MACROD2: variants seen among roughly 807,000 people sequenced by gnomAD.
MACROD2 encodes mono-ADP ribosylhydrolase 2.
Under a neutral mutation model 70.4 loss-of-function variants are expected in MACROD2, and 36 were observed. The ratio of observed to expected loss-of-function variants is 0.51; its 90% CI spans 0.39 to 0.68. The LOEUF is 0.68. MACROD2 is among the 30% of genes least tolerant of loss of function. The pLI, the probability that MACROD2 is intolerant of heterozygous loss-of-function variation, is 0.00. For missense variants in MACROD2, 496 were observed against 538.4 expected, an observed-to-expected ratio of 0.92 and a Z score of 0.78; for synonymous variants, 172 against 178.8, an observed-to-expected ratio of 0.96 and a Z score of 0.30.
intron 6 of MACROD2, 90 bp from the exon 7 acceptor site, chr20:15,431,315 C>T: frequency 8.5e-7 from 1 of 1,182,006 alleles, no homozygotes; most frequent in East Asian, 2.4e-5. Context: ...GAGGGCATCC[C>T]ATTATCAAAC....
At chr20:15,495,316 T>C (rs1008717129) in intron 7 of MACROD2, among the ~76,000 whole-genome samples, 7 of 152,248 alleles carry the variant, frequency 4.6e-5, no homozygotes, top group African/African-American at 1.4e-4. Context: ...CTGAACATCA[T>C]GCTTTACCTT....
intron 5 of MACROD2, among the ~76,000 whole-genome samples, chr20:15,169,463 G>T (rs1175384605): frequency 2.0e-5 from 3 of 152,114 alleles, no homozygotes; most frequent in African/African-American, 7.2e-5. Flanking sequence ...CACGTTCTTG[G>T]CTAAGGGGCC....
intron 5 of MACROD2, among the ~76,000 whole-genome samples, chr20:14,888,967 T>C (rs1200763268): frequency 2.0e-5 from 3 of 152,120 alleles, no homozygotes; most frequent in African/African-American, 7.2e-5. Context: ...TTTACCTACT[T>C]AATCTTAAAC....
At chr20:15,813,004 C>A (rs565789902) in intron 8 of MACROD2, among the ~76,000 whole-genome samples, 3 of 152,276 alleles carry the variant, frequency 2.0e-5, no homozygotes, top group Admixed American at 6.5e-5. Flanking sequence ...CCAGAAATAT[C>A]TCAAAGACTT....
chr20:15,137,490 A>T (rs969023721), intron 5 of MACROD2, among the ~76,000 whole-genome samples: 1 of 144,036 alleles, frequency 6.9e-6, no homozygotes, highest in Non-Finnish European at 1.5e-5. Context: ...GTTCTCACTC[A>T]TAGGTGGGAA....
At chr20:14,346,530 T>G (rs1009200277) in intron 3 of MACROD2, among the ~76,000 whole-genome samples, 3 of 152,254 alleles carry the variant, frequency 2.0e-5, no homozygotes, top group Admixed American at 6.5e-5. Flanking sequence ...TTTATGTGTA[T>G]TCTAACAAAA....
At chr20:15,503,020 A>C (rs1041067001) in intron 8 of MACROD2, among the ~76,000 whole-genome samples, 1 of 152,246 alleles carries the variant, frequency 6.6e-6, no homozygotes, top group African/African-American at 2.4e-5. Flanking sequence ...AAAGGCACCC[A>C]GGGACTAAGT....
At chr20:15,991,750 C>A (rs1474721212) in intron 15 of MACROD2, among the ~76,000 whole-genome samples, 1 of 152,082 alleles carries the variant, frequency 6.6e-6, no homozygotes, top group Non-Finnish European at 1.5e-5. Flanking sequence ...TTTTCTAGGG[C>A]AGTTTTACCA....
At chr20:15,462,725 A>G (rs2046835458) in intron 7 of MACROD2, among the ~76,000 whole-genome samples, 1 of 152,220 alleles carries the variant, frequency 6.6e-6, no homozygotes, top group Non-Finnish European at 1.5e-5. Context: ...TACTGAATGA[A>G]TAAACTTCCC....
chr20:14,550,141 T>C (rs192324461), intron 4 of MACROD2, among the ~76,000 whole-genome samples: 146 of 152,250 alleles, frequency 9.6e-4, no homozygotes, highest in Non-Finnish European at 1.6e-3. Context: ...CAGTCTGGTC[T>C]GGAACTCCTG....
chr20:14,380,514 T>C (rs1449206133), intron 3 of MACROD2, among the ~76,000 whole-genome samples: 9 of 152,152 alleles, frequency 5.9e-5, no homozygotes, highest in African/African-American at 2.2e-4. Flanking sequence ...TTTGCCCTTA[T>C]GTTTTCTTCT....
intron 3 of MACROD2, among the ~76,000 whole-genome samples, chr20:14,467,126 C>A (rs2084462053): frequency 6.6e-6 from 1 of 152,268 alleles, no homozygotes; most frequent in South Asian, 2.1e-4. Flanking sequence ...TGCCCTGCCC[C>A]CCAGAGGTGG....
chr20:15,854,675 C>T (rs1335694969), intron 8 of MACROD2, among the ~76,000 whole-genome samples: 1 of 152,182 alleles, frequency 6.6e-6, no homozygotes, highest in African/African-American at 2.4e-5. Flanking sequence ...GCAGATTGCT[C>T]TCTTTTGCCT....
intron 3 of MACROD2, among the ~76,000 whole-genome samples, chr20:14,197,832 G>T (rs1385261948): frequency 2.0e-5 from 3 of 152,080 alleles, no homozygotes; most frequent in African/African-American, 7.2e-5. Context: ...TGTGTTTAAA[G>T]CTAAACAACC....
At chr20:14,208,530 C>T (rs1184319334) in intron 3 of MACROD2, among the ~76,000 whole-genome samples, 1 of 152,150 alleles carries the variant, frequency 6.6e-6, no homozygotes, top group Non-Finnish European at 1.5e-5. Context: ...ATTAAAGCTG[C>T]ACTACTCAGA....
chr20:15,948,382 C>CAAAAAAAAA (rs71192307), intron 12 of MACROD2, among the ~76,000 whole-genome samples: 25 of 43,138 alleles, frequency 5.8e-4, no homozygotes, highest in Middle Eastern at 0.033. Flanking sequence ...CTTGCAACTG[C>CAAAAAAAAA]AAAAAAAAAA....
chr20:14,062,087 C>T (rs182853295), intron 2 of MACROD2, among the ~76,000 whole-genome samples: 3 of 152,158 alleles, frequency 2.0e-5, no homozygotes, highest in African/African-American at 7.2e-5. Context: ...AAATATCATG[C>T]CTAAGTCATT....
chr20:14,565,670 G>A (rs560576297), intron 4 of MACROD2, among the ~76,000 whole-genome samples: 66 of 151,942 alleles, frequency 4.3e-4, no homozygotes, highest in African/African-American at 1.5e-3. Flanking sequence ...TGTTATTAAA[G>A]TTCTTAAAAA....
chr20:14,823,197 G>A (rs1784740069), intron 5 of MACROD2, among the ~76,000 whole-genome samples: 1 of 152,018 alleles, frequency 6.6e-6, no homozygotes, highest in Admixed American at 6.6e-5. Context: ...ATTTTCAGCA[G>A]CAAACTTCTC....
Sources: gnomAD v4.1 joint callset for allele counts (sites outside exome capture counted in the v4.1 genomes callset) on GRCh38, gnomAD v4.1.1 for gene constraint, MANE v1.5 for transcripts, NCBI Gene and HGNC (gene_info 2026-07-23, HGNC 2026-07-21) for gene names.